The following WASHC4 variants were observed in gnomAD, a reference collection of about 807,000 sequenced individuals.
WASHC4 encodes the protein WASH complex subunit 7.
In WASHC4, 86 loss-of-function variants were observed where a neutral mutation model predicts 166.6. The observed-to-expected ratio is 0.52, with a 90% CI of 0.43 to 0.62. The LOEUF (loss-of-function observed/expected upper bound fraction) is 0.62. Ranked by LOEUF, WASHC4 falls within the 20% of genes least tolerant of loss-of-function variation. The pLI, the probability that WASHC4 is intolerant of heterozygous loss-of-function variation, is 0.00. For missense variants in WASHC4, 1,262 were observed against 1,382.4 expected (o/e 0.91, Z 1.38); for synonymous variants, 446 against 451.6 (o/e 0.99, Z 0.16).
intron 32 of WASHC4, among the ~76,000 whole-genome samples, chr12:105,165,971 T>C (rs1374723459): frequency 6.6e-6 from 1 of 152,246 alleles, no homozygotes; most frequent in African/African-American, 2.4e-5. Context: ...AACTCAGTTA[T>C]TGCCTCAGTT....
At chr12:105,125,532 G>C (rs1047917099) in intron 10 of WASHC4, among the ~76,000 whole-genome samples, 1 of 152,000 alleles carries the variant, frequency 6.6e-6, no homozygotes, top group Admixed American at 6.5e-5. Context: ...ATGTTTAAGC[G>C]TCAACTATAT....
intron 6 of WASHC4, among the ~76,000 whole-genome samples, chr12:105,116,037 T>A (rs1880146518): frequency 6.6e-6 from 1 of 152,160 alleles, no homozygotes. Context: ...GGAAAAGTTG[T>A]TAACGGATAG....
rs771219432 is a variant in WASHC4, at chr12:105,137,960, A to G, written c.1401A>G (p.Pro467=). 55 of 1,613,156 alleles carry G rather than the reference A, an allele frequency of 3.4e-5. No homozygotes were observed. The highest frequency in any genetic ancestry group is 5.0e-5 in the Admixed American group (3 of 59,996). Residue 467 remains proline (P), a synonymous_variant, in exon 15 of 33, where the codon CCA becomes CCG. Transcript: ENST00000332180. ...TMNLYMSMQK[P]MTKTSVKALC... is the part of the protein sequence containing the mutation. ...ATCTCTACATGTCCATGCAAAAGCC[A>G]ATGACCAAAACCTCAGTTAAGGCAT...
Position 105,127,248 on chromosome 12 carries a change from C to T in WASHC4, c.1158C>T (p.His386=), listed in dbSNP as rs1403858068. Residue 386 remains histidine (H), a synonymous_variant, in exon 13 of 33, where the codon CAC becomes CAT. Transcript: ENST00000332180. ...DRKSLQAIKI[H]RDTFLQQKAQ... ...AAAGTCTTCAAGCCATTAAAATACA[C>T]AGGGATACTTTTCTACAACAGAAAG... 1 of 1,611,962 alleles carries T rather than the reference C, an allele frequency of 6.2e-7. No homozygotes were observed. The highest frequency in any genetic ancestry group is 1.7e-5 in the Admixed American group (1 of 59,998).
rs759940803 is a variant in WASHC4, at chr12:105,137,973, T to A, written c.1414T>A (p.Ser472Thr). The A allele has an allele frequency of 6.2e-7, 1 of 1,613,058 alleles. No individual in the cohort carries two copies. Among genetic ancestry groups the A allele is most frequent in the Non-Finnish European group, 8.5e-7 (1 of 1,179,350 alleles). ...CATGCAAAAGCCAATGACCAAAACC[T>A]CAGTTAAGGCATTGTGCAGGCTTGT... ...MSMQKPMTKT[S>T]VKALCRLVEL... Residue 472 changes from serine to threonine, a missense_variant, in exon 15 of 33, where the codon TCA (serine) becomes ACA (threonine). Physicochemically the swap from Ser to Thr is moderately conservative, Grantham distance 58 (BLOSUM62 1). Coordinates refer to ENST00000332180, the MANE Select transcript of WASHC4 (RefSeq NM_015275.3).
rs896646267 is a variant in WASHC4 at position 105,149,244 on chromosome 12, A to G, written c.2515-371A>G. On this transcript the variant is annotated intron_variant, in intron 24 of 32. Coordinates refer to ENST00000332180, the MANE Select transcript of WASHC4 (RefSeq NM_015275.3). The stretch of plus-strand genomic sequence containing the variant: ...ATCATTCTAGACCTGTAGATTAGCA[A>G]TAAGTAATCTTACTGATGGAGGAAC... 5 of 985,322 alleles carry G rather than the reference A, an allele frequency of 5.1e-6. No individual in the cohort carries two copies. The African/African-American group carries it at 8.7e-5, about 17-fold the overall frequency. The allele number at this position is 985,322 out of a possible 1,614,324, so 61.0% of individuals were successfully genotyped here. A position where few individuals can be genotyped will look rare whatever the true frequency, so the allele number is the denominator to read the frequency against.
At chr12:105,152,297 G>A in intron 25 of WASHC4, 46 bp from the exon 26 acceptor site, 1 of 950,478 alleles carries the variant, frequency 1.1e-6, no homozygotes, top group Non-Finnish European at 1.7e-6. Flanking sequence ...GGCATTTTGT[G>A]CTTTAGAAAT....
chr12:105,159,858 C>A, intron 28 of WASHC4, 143 bp from the exon 29 acceptor site: 1 of 701,580 alleles, frequency 1.4e-6, no homozygotes, highest in Non-Finnish European at 2.4e-6. Flanking sequence ...TAAGTTTATT[C>A]TGAACTCCAA....
chr12:105,139,873 C>T (rs986897790), intron 15 of WASHC4, among the ~76,000 whole-genome samples: 6 of 150,774 alleles, frequency 4.0e-5, no homozygotes, highest in Non-Finnish European at 7.4e-5. Flanking sequence ...TTTATCAGTT[C>T]TATACTTTGT....
At chr12:105,128,246 G>A (rs1221530736) in intron 13 of WASHC4, among the ~76,000 whole-genome samples, 1 of 152,154 alleles carries the variant, frequency 6.6e-6, no homozygotes, top group African/African-American at 2.4e-5. Context: ...ATTTAGGCAG[G>A]TCTACTCATT....
intron 27 of WASHC4, 129 bp from the exon 28 acceptor site, chr12:105,157,107 A>G (rs1380498616): frequency 1.5e-6 from 1 of 647,408 alleles, no homozygotes; most frequent in African/African-American, 1.8e-5. Context: ...GAATAATATT[A>G]CTGAAATGCA....
In WASHC4 at chr12:105,115,648, T is replaced by C. The variant is rs181355321; in HGVS notation, c.368-13T>C. 523 of 1,593,702 alleles carry C rather than the reference T, an allele frequency of 3.3e-4. 5 individuals carry two copies. The African/African-American group carries it at 6.4e-3, about 20-fold the overall frequency. On this transcript the variant is annotated splice_polypyrimidine_tract_variant and intron_variant, in intron 5 of 32. Transcript: ENST00000332180. Reference sequence around the variant, plus strand: ...AAAAAATGAAATATGCTTATTCATGTTGCCTTTTACAGCTACAGATGCCAG... The same window carrying C: ...AAAAAATGAAATATGCTTATTCATGCTGCCTTTTACAGCTACAGATGCCAG...
Position 105,131,469 on chromosome 12 carries a change from C to T in WASHC4, c.1200-2301C>T, listed in dbSNP as rs943480048. On this transcript the variant is annotated intron_variant, in intron 13 of 32. Transcript: ENST00000332180. Reference sequence around the variant, plus strand: ...TGATGGGCAGAAGTGACATAAAAGCCTCTGCATTATCCTATAGCCTTACCT... The same window carrying T: ...TGATGGGCAGAAGTGACATAAAAGCTTCTGCATTATCCTATAGCCTTACCT... Among the ~76,000 whole-genome samples, 6 of 152,354 alleles carry T rather than the reference C, an allele frequency of 3.9e-5. 1 individual carries two copies. The highest frequency in any genetic ancestry group is 6.5e-5 in the Admixed American group (1 of 15,306).
chr12:105,118,257 C>G (rs1880379005), intron 6 of WASHC4, among the ~76,000 whole-genome samples, 189 bp from the exon 7 acceptor site: 2 of 152,194 alleles, frequency 1.3e-5, no homozygotes, highest in African/African-American at 4.8e-5. Context: ...TAGGAACGAC[C>G]CTGGAGTACA....
At position 105,141,012 on chromosome 12, in the gene WASHC4, T is replaced by G. The variant is rs35964953; in HGVS notation, c.1674T>G (p.Ile558Met). The G allele has an allele frequency of 6.2e-7, 1 of 1,614,178 alleles. No homozygotes were observed. The highest frequency in any genetic ancestry group is 1.1e-5 in the South Asian group (1 of 91,086). ...CAAGCACAAAGCAACGGCGACTTAT[T>G]GTTTCTTTGGCACTAAGTGTTGGCA... ...NGPSTKQRRL[I>M]VSLALSVGTQ... The change falls in exon 17 of 33, where the codon ATT (isoleucine) becomes ATG (methionine). Residue 558 changes from isoleucine to methionine, a missense_variant. Ile to Met is a conservative substitution (Grantham distance 10). Coordinates refer to ENST00000332180, the MANE Select transcript of WASHC4 (RefSeq NM_015275.3).
rs146274306 is a variant in WASHC4, at chr12:105,154,798, C to T, written c.2759-1928C>T. Among the ~76,000 whole-genome samples the T allele has an allele frequency of 4.4e-3, 675 of 152,222 alleles. 7 individuals are homozygous for T. Among genetic ancestry groups the T allele is most frequent in the African/African-American group, 0.015 (641 of 41,512 alleles). ...CTTCAGAGCTTTTACTCTTAATTGCCGCTCTATACTAGGCTCTCCTATTTT... is the reference window on the plus strand; with the variant it reads ...CTTCAGAGCTTTTACTCTTAATTGCTGCTCTATACTAGGCTCTCCTATTTT... On this transcript the variant is annotated intron_variant, in intron 26 of 32. Coordinates refer to ENST00000332180, the MANE Select transcript of WASHC4 (RefSeq NM_015275.3).
intron 10 of WASHC4, among the ~76,000 whole-genome samples, chr12:105,124,833 C>G (rs34705618): frequency 0.096 from 14,613 of 152,162 alleles, 782 homozygotes; most frequent in East Asian, 0.23. Flanking sequence ...TTCCTAGGCC[C>G]AGGGAATGTA....
chr12:105,141,039 A>G lies in WASHC4; in HGVS notation c.1701A>G (p.Thr567=). Reference sequence around the variant, plus strand: ...TTTCTTTGGCACTAAGTGTTGGCACACAAATGGTAAGTGTATTGCTATTAC... The same window carrying G: ...TTTCTTTGGCACTAAGTGTTGGCACGCAAATGGTAAGTGTATTGCTATTAC... ...LIVSLALSVG[T]QMKTFKDEEL... The change falls in exon 17 of 33, where the codon ACA becomes ACG. Residue 567 remains threonine (T), a synonymous_variant. Coordinates refer to ENST00000332180, the MANE Select transcript of WASHC4 (RefSeq NM_015275.3). The G allele has an allele frequency of 6.2e-7, 1 of 1,614,202 alleles. No individual in the cohort carries two copies. Among genetic ancestry groups the G allele is most frequent in the Non-Finnish European group, 8.5e-7 (1 of 1,180,034 alleles).
rs1271074407 is a variant in WASHC4, at chr12:105,168,923, T to C, written c.*1992T>C. 6.6e-6 allele frequency: 1 copy of C among 152,512 alleles called. No individual in the cohort carries two copies. Among genetic ancestry groups the C allele is most frequent in the Non-Finnish European group, 1.5e-5 (1 of 67,970 alleles). 9.4% of individuals were successfully genotyped at this position (152,512 alleles called of 1,614,324 possible). A position where few individuals can be genotyped will look rare whatever the true frequency, so the allele number is the denominator to read the frequency against. On this transcript the variant is annotated 3_prime_UTR_variant, in exon 33 of 33. Coordinates refer to ENST00000332180, the MANE Select transcript of WASHC4 (RefSeq NM_015275.3). ...TTTCAGACATACTGTAATTTAAAAA[T>C]TAATGTGAGCGTTTGTTTTAAGTTC...
Sources: gnomAD v4.1 joint callset for allele counts (sites outside exome capture counted in the v4.1 genomes callset) on GRCh38, gnomAD v4.1.1 for gene constraint, MANE v1.5 for transcripts, NCBI Gene and HGNC (gene_info 2026-07-23, HGNC 2026-07-21) for gene names.